FAM13C: variants seen among roughly 807,000 people sequenced by gnomAD.
FAM13C encodes the protein protein FAM13C.
In FAM13C, 37 loss-of-function variants were observed where a neutral mutation model predicts 73.2. That is an observed-to-expected ratio of 0.51 (90% CI 0.39 to 0.67). FAM13C has a LOEUF of 0.67. Ranked by LOEUF, FAM13C falls within the 30% of genes least tolerant of loss-of-function variation. FAM13C has a pLI of 0.00. For missense variants in FAM13C, 589 were observed against 715.6 expected, an observed-to-expected ratio of 0.82 and a Z score of 2.02; for synonymous variants, 246 against 260.9, an observed-to-expected ratio of 0.94 and a Z score of 0.55.
At chr10:59,263,801 T>C (rs944921947) in intron 9 of FAM13C, 4 of 396,038 alleles carry the variant, frequency 1.0e-5, no homozygotes, top group Non-Finnish European at 1.9e-5. Flanking sequence ...TCCAATAACC[T>C]AGGGAGGTTA....
chr10:59,301,595 T>TA (rs141963083), intron 5 of FAM13C, among the ~76,000 whole-genome samples: 2,616 of 152,366 alleles, frequency 0.017, 81 homozygotes, highest in African/African-American at 0.059. Context: ...AGTTGACTCT[T>TA]ACAATCACCT....
intron 4 of FAM13C, among the ~76,000 whole-genome samples, chr10:59,322,519 G>T (rs1160365365): frequency 6.6e-6 from 1 of 152,156 alleles, no homozygotes; most frequent in Non-Finnish European, 1.5e-5. Context: ...AATACAAAAT[G>T]GGATACACAA....
intron 8 of FAM13C, 50 bp from the exon 9 acceptor site, chr10:59,264,216 G>A: frequency 8.2e-7 from 1 of 1,224,582 alleles, no homozygotes; most frequent in Non-Finnish European, 1.2e-6. Context: ...AGGAGGGAGA[G>A]GGTGGGGGAG....
At chr10:59,272,903 TAGAG>T (rs1564508239) in intron 6 of FAM13C, among the ~76,000 whole-genome samples, 1 of 152,174 alleles carries the variant, frequency 6.6e-6, no homozygotes, top group African/African-American at 2.4e-5. Context: ...TTCCTATATA[TAGAG>T]AGAGCTTTGA....
At chr10:59,358,709 A>G (rs1250494180) in intron 1 of FAM13C, among the ~76,000 whole-genome samples, 2 of 152,132 alleles carry the variant, frequency 1.3e-5, no homozygotes, top group Non-Finnish European at 2.9e-5. Context: ...CCCTCATTTG[A>G]TTTATTAATC....
At chr10:59,354,419 C>T (rs908065291) in intron 2 of FAM13C, among the ~76,000 whole-genome samples, 13 of 152,112 alleles carry the variant, frequency 8.5e-5, no homozygotes, top group African/African-American at 3.1e-4. Flanking sequence ...GTAATTTATG[C>T]CACTACTTAT....
rs1843510487 is a variant in FAM13C, at chr10:59,269,917, CTGGGT to C, written c.780_784del (p.Pro261HisfsTer42). ...TTCTCACATCATAAACTGCTGAGTG[CTGGGT>C]GGAGATGGGGCTGACTCGGGGTCTA... On this transcript the variant is annotated frameshift_variant, in exon 7 of 14. Coordinates refer to ENST00000618804, the MANE Select transcript of FAM13C (RefSeq NM_198215.4). LOFTEE classifies it high-confidence loss of function. 6.2e-7 allele frequency: 1 copy of C among 1,613,720 alleles called. No individual in the cohort carries two copies. Among genetic ancestry groups the C allele is most frequent in the Non-Finnish European group, 8.5e-7 (1 of 1,179,880 alleles).
At chr10:59,358,071 T>C (rs1388289145) in intron 1 of FAM13C, among the ~76,000 whole-genome samples, 1 of 152,168 alleles carries the variant, frequency 6.6e-6, no homozygotes, top group Non-Finnish European at 1.5e-5. Flanking sequence ...TACTGAAATA[T>C]TTTGTTACCT....
chr10:59,297,769 T>C (rs1847092370), intron 5 of FAM13C, among the ~76,000 whole-genome samples: 1 of 152,140 alleles, frequency 6.6e-6, no homozygotes, highest in Non-Finnish European at 1.5e-5. Context: ...ACTTATTCTG[T>C]CCTCCTAATT....
At chr10:59,251,424 A>G in intron 13 of FAM13C, 151 bp downstream of exon 13, 2 of 709,450 alleles carry the variant, frequency 2.8e-6, no homozygotes, top group South Asian at 1.7e-5. Flanking sequence ...CACTATTAGA[A>G]TGTTGCATTG....
Position 59,347,521 on chromosome 10 carries a change from T to C in FAM13C, c.324+4749A>G, listed in dbSNP as rs201943958. Among the ~76,000 whole-genome samples, 42 of 152,064 alleles carry C rather than the reference T, an allele frequency of 2.8e-4. No individual in the cohort carries two copies. In the East Asian group the frequency reaches 7.9e-3, roughly 29 times the overall value. ...TCCTTTTATCTGCCCCACACCTATTTTTTTTTTTAATTTTTTACTATTATA... is the reference window on the plus strand; with the variant it reads ...TCCTTTTATCTGCCCCACACCTATTCTTTTTTTTAATTTTTTACTATTATA... On this transcript the variant is annotated intron_variant, in intron 3 of 13. Transcript: ENST00000618804.
At position 59,268,665 on chromosome 10, in the gene FAM13C, C is replaced by A; in HGVS notation, c.830G>T (p.Cys277Phe). 1 of 1,612,946 alleles carries A rather than the reference C, an allele frequency of 6.2e-7. No individual in the cohort carries two copies. The highest frequency in any genetic ancestry group is 8.5e-7 in the Non-Finnish European group (1 of 1,179,744). ...GGTCTGTGGCTCCTTGCCATCTCCA[C>A]AGCTGCAGCGTGAAGAACTCCGCGG... ...MMPRSSSRCS[C>F]GDGKEPQTIT... Residue 277 changes from cysteine (C) to phenylalanine (F), a missense_variant, in exon 8 of 14, where the codon TGT becomes TTT. By Grantham distance (205) the Cys-to-Phe change is radical. Coordinates refer to ENST00000618804, the MANE Select transcript of FAM13C (RefSeq NM_198215.4).
At chr10:59,308,544 C>CCACCACCACCAT (rs1848528674) in intron 4 of FAM13C, among the ~76,000 whole-genome samples, 1 of 56,066 alleles carries the variant, frequency 1.8e-5, no homozygotes, top group African/African-American at 4.8e-5. Context: ...ATCACCCCCA[C>CCACCACCACCAT]CACCACCACC....
intron 4 of FAM13C, among the ~76,000 whole-genome samples, chr10:59,323,702 T>G (rs1241105452): frequency 1.1e-4 from 16 of 152,186 alleles, no homozygotes. Context: ...AGAATAAGAA[T>G]AGATGAAATC....
At chr10:59,320,611 C>G (rs1246718968) in intron 4 of FAM13C, among the ~76,000 whole-genome samples, 1 of 152,166 alleles carries the variant, frequency 6.6e-6, no homozygotes, top group Non-Finnish European at 1.5e-5. Context: ...ACAGAGTAGG[C>G]TCAGAGACTC....
chr10:59,315,909 T>C (rs1225182036), intron 4 of FAM13C, among the ~76,000 whole-genome samples: 1 of 152,180 alleles, frequency 6.6e-6, no homozygotes, highest in South Asian at 2.1e-4. Flanking sequence ...TCTTCTTCCA[T>C]GATCGGACAA....
At chr10:59,348,356 T>C (rs1001642881) in intron 3 of FAM13C, among the ~76,000 whole-genome samples, 8 of 152,190 alleles carry the variant, frequency 5.3e-5, no homozygotes, top group African/African-American at 1.7e-4. Flanking sequence ...CTCTCAACCA[T>C]ACTGCATGGT....
intron 3 of FAM13C, among the ~76,000 whole-genome samples, chr10:59,327,423 C>T (rs986550095): frequency 7.9e-5 from 12 of 152,134 alleles, no homozygotes; most frequent in Admixed American, 7.2e-4. Flanking sequence ...GCATGAGAAG[C>T]CAAGGCTTAC....
At chr10:59,338,235 T>C (rs551859358) in intron 3 of FAM13C, among the ~76,000 whole-genome samples, 1 of 152,234 alleles carries the variant, frequency 6.6e-6, no homozygotes, top group East Asian at 1.9e-4. Flanking sequence ...GAGGCAGTGC[T>C]CTTGCCAGTG....
Sources: gnomAD v4.1 joint callset for allele counts (sites outside exome capture counted in the v4.1 genomes callset) on GRCh38, gnomAD v4.1.1 for gene constraint, MANE v1.5 for transcripts, NCBI Gene and HGNC (gene_info 2026-07-23, HGNC 2026-07-21) for gene names.